ANKRD30BL: variants seen among roughly 807,000 people sequenced by gnomAD.
ANKRD30BL encodes putative ankyrin repeat domain-containing protein 30B-like.
ANKRD30BL carries 20 observed loss-of-function variants against 18.4 expected under a neutral mutation model. The ratio of observed to expected loss-of-function variants is 1.09; its 90% CI spans 0.77 to 1.58. ANKRD30BL has a LOEUF of 1.58. ANKRD30BL is among the 40% of genes most tolerant of loss of function. The pLI, the probability that ANKRD30BL is intolerant of heterozygous loss-of-function variation, is 0.00. For synonymous variants in ANKRD30BL, 72 were observed against 100.9 expected (o/e 0.71, Z 1.72); for missense variants, 224 against 268.6 (o/e 0.83, Z 1.16).
intron 1 of ANKRD30BL, among the ~76,000 whole-genome samples, chr2:132,254,438 G>T (rs62164989): frequency 7.0e-6 from 1 of 143,030 alleles, no homozygotes; most frequent in African/African-American, 2.6e-5. Flanking sequence ...TCAGCGTTCC[G>T]CCAGGGCAGT....
At chr2:132,206,704 T>C (rs531766361) in intron 1 of ANKRD30BL, among the ~76,000 whole-genome samples, 13 of 152,162 alleles carry the variant, frequency 8.5e-5, no homozygotes, top group Non-Finnish European at 1.6e-4. Context: ...TTTAAGGAGG[T>C]GTAATTTCCT....
upstream of ANKRD30BL, among the ~76,000 whole-genome samples, chr2:132,164,020 C>T (rs1032180370): frequency 6.6e-6 from 1 of 152,184 alleles, no homozygotes; most frequent in Non-Finnish European, 1.5e-5. Context: ...TCTTTTATCA[C>T]ATGATCATTC....
At chr2:132,177,370 C>A (rs1392877549) in intron 1 of ANKRD30BL, among the ~76,000 whole-genome samples, 1 of 151,994 alleles carries the variant, frequency 6.6e-6, no homozygotes, top group Admixed American at 6.6e-5. Flanking sequence ...GACAGGATGG[C>A]TTCGATATCT....
chr2:132,246,774 G>A (rs376228311), intron 1 of ANKRD30BL, among the ~76,000 whole-genome samples: 162 of 151,848 alleles, frequency 1.1e-3, no homozygotes, highest in Non-Finnish European at 1.9e-3. Context: ...GAAATTTTGA[G>A]CTCTTTGAGG....
At chr2:132,207,422 A>ATC (rs1389877324) in intron 1 of ANKRD30BL, among the ~76,000 whole-genome samples, 1 of 151,952 alleles carries the variant, frequency 6.6e-6, no homozygotes, top group Non-Finnish European at 1.5e-5. Context: ...CACTTGAGCC[A>ATC]TCTCTCTCTA....
chr2:132,252,623 A>G (rs1211316671), intron 1 of ANKRD30BL, among the ~76,000 whole-genome samples: 1 of 152,070 alleles, frequency 6.6e-6, no homozygotes, highest in Admixed American at 6.5e-5. Context: ...GTGGTCAGCC[A>G]GTCGCTGGGC....
chr2:132,161,147 A>G (rs949002924), intron 1 of ANKRD30BL, among the ~76,000 whole-genome samples: 6 of 148,906 alleles, frequency 4.0e-5, no homozygotes, highest in Non-Finnish European at 5.9e-5. Flanking sequence ...CATTAAAAGT[A>G]AAACCCTGTA....
rs1279881677 is a variant in ANKRD30BL, at chr2:132,220,332, C to G, written n.441+37197G>C. On this transcript the variant is annotated intron_variant and non_coding_transcript_variant, in intron 1 of 4. Coordinates refer to the ANKRD30BL transcript ENST00000470729. ...TCTCCCTCTCCCTCTCCCTGTCCCT[C>G]TCCCTCTCCCTCTCCCTGTCCCTCT... Among the ~76,000 whole-genome samples the G allele has an allele frequency of 3.8e-4, 37 of 96,802 alleles. 2 individuals are homozygous for G. The highest frequency in any genetic ancestry group is 1.6e-3 in the African/African-American group (34 of 21,532). 63.5% of individuals were successfully genotyped at this position (96,802 alleles called of 152,430 possible).
intron 1 of ANKRD30BL, among the ~76,000 whole-genome samples, chr2:132,190,614 C>G (rs544627894): frequency 6.6e-6 from 1 of 152,014 alleles, no homozygotes; most frequent in African/African-American, 2.4e-5. Context: ...ACATTATAGA[C>G]TATACATGAC....
chr2:132,207,647 G>C (rs1271515027), intron 1 of ANKRD30BL, among the ~76,000 whole-genome samples: 1 of 152,106 alleles, frequency 6.6e-6, no homozygotes, highest in African/African-American at 2.4e-5. Context: ...TAGACTTTCA[G>C]AAGGAAGGGC....
At chr2:132,248,080 G>C (rs1338814287) in intron 1 of ANKRD30BL, among the ~76,000 whole-genome samples, 1 of 152,050 alleles carries the variant, frequency 6.6e-6, no homozygotes, top group African/African-American at 2.4e-5. Flanking sequence ...GAGTGCATCT[G>C]TCTAGTTATT....
intron 1 of ANKRD30BL, among the ~76,000 whole-genome samples, chr2:132,160,418 T>TTTC (rs1338056545): frequency 3.5e-5 from 5 of 143,758 alleles, no homozygotes; most frequent in African/African-American, 1.3e-4. Flanking sequence ...TTTTTTTTTT[T>TTTC]CAAATTTTAT....
intron 1 of ANKRD30BL, among the ~76,000 whole-genome samples, chr2:132,250,972 G>A (rs540699566): frequency 1.0e-3 from 154 of 152,310 alleles, no homozygotes; most frequent in African/African-American, 3.5e-3. Context: ...TCCAAGAGGA[G>A]CTCAAGTCCT....
At chr2:132,220,936 C>A (rs1245303325) in intron 1 of ANKRD30BL, among the ~76,000 whole-genome samples, 1 of 151,866 alleles carries the variant, frequency 6.6e-6, no homozygotes, top group Admixed American at 6.6e-5. Flanking sequence ...TTCCCGGCCG[C>A]CATCCCATCT....
At chr2:132,238,446 T>C (rs1335035144) in intron 1 of ANKRD30BL, among the ~76,000 whole-genome samples, 1 of 152,004 alleles carries the variant, frequency 6.6e-6, no homozygotes, top group Non-Finnish European at 1.5e-5. Flanking sequence ...CGGGTATATA[T>C]TCACATAAAA....
intron 1 of ANKRD30BL, among the ~76,000 whole-genome samples, chr2:132,251,878 C>T (rs546018927): frequency 3.3e-4 from 50 of 152,366 alleles, no homozygotes; most frequent in Admixed American, 1.5e-3. Context: ...TTTAATGTGA[C>T]GCCTGGACCA....
chr2:132,190,171 T>C (rs984068801), intron 1 of ANKRD30BL, among the ~76,000 whole-genome samples: 2 of 152,166 alleles, frequency 1.3e-5, no homozygotes, highest in Non-Finnish European at 2.9e-5. Flanking sequence ...AGAGTAAAAT[T>C]ATAAAATTTG....
chr2:132,197,152 C>T (rs2104743335), intron 1 of ANKRD30BL, among the ~76,000 whole-genome samples: 1 of 152,390 alleles, frequency 6.6e-6, no homozygotes, highest in East Asian at 1.9e-4. Context: ...GTATACTTTA[C>T]ATGATGCCAT....
upstream of ANKRD30BL, among the ~76,000 whole-genome samples, chr2:132,162,318 G>A (rs1404101371): frequency 1.3e-5 from 2 of 152,236 alleles, no homozygotes; most frequent in Admixed American, 6.5e-5. Flanking sequence ...GGCAGGGTCA[G>A]GGTTGCAGCC....
Sources: allele counts gnomAD v4.1 joint callset (sites outside exome capture counted in the v4.1 genomes callset), GRCh38; gene constraint gnomAD v4.1.1; transcripts MANE v1.5; gene names NCBI Gene and HGNC (gene_info 2026-07-23, HGNC 2026-07-21).